Variants in DRC11 observed in about 807,000 individuals in gnomAD.
The protein encoded by DRC11 is IQ and AAA domain-containing protein 1.
chr2:236,432,556 T>C, the DRC11 span, among the ~76,000 whole-genome samples: 1 of 152,180 alleles, frequency 6.6e-6, no homozygotes, highest in Non-Finnish European at 1.5e-5. Context: ...TGAGTTTTCT[T>C]TTCTGAGCAC....
the DRC11 span, among the ~76,000 whole-genome samples, chr2:236,419,664 C>T: frequency 6.6e-6 from 1 of 152,208 alleles, no homozygotes; most frequent in African/African-American, 2.4e-5. This position sits in a 1 kb window ranked among gnomAD's most constrained non-coding sequence, Gnocchi z 4.8. Flanking sequence ...GATGCCACTG[C>T]TTCCTGCTAG....
the DRC11 span, chr2:236,338,150 C>T: frequency 5.8e-6 from 9 of 1,550,448 alleles, no homozygotes; most frequent in South Asian, 6.1e-5. Context: ...GGCAAGCACA[C>T]AGTGGACAGC....
chr2:236,493,095 C>T, the DRC11 span, among the ~76,000 whole-genome samples: 2 of 152,130 alleles, frequency 1.3e-5, no homozygotes, highest in East Asian at 1.9e-4. Flanking sequence ...GCTAGGGAGG[C>T]CTCACAATCA....
chr2:236,397,707 A>G, the DRC11 span, among the ~76,000 whole-genome samples: 1 of 152,222 alleles, frequency 6.6e-6, no homozygotes, highest in Admixed American at 6.5e-5. The surrounding 1 kb of genome is among the most constrained non-coding windows in gnomAD (Gnocchi z 5.0). Flanking sequence ...TTGCAGACAC[A>G]TACCTGATGC....
chr2:236,356,774 T>C, the DRC11 span, among the ~76,000 whole-genome samples: 4 of 151,768 alleles, frequency 2.6e-5, no homozygotes. Context: ...AGGAGACTGG[T>C]ACCTGGGGGG....
chr2:236,319,503 T>A, the DRC11 span, among the ~76,000 whole-genome samples: 1 of 152,194 alleles, frequency 6.6e-6, no homozygotes, highest in East Asian at 1.9e-4. The surrounding 1 kb of genome is among the most constrained non-coding windows in gnomAD (Gnocchi z 6.7). Flanking sequence ...AAAAACGTAC[T>A]GTGTTTGTTT....
the DRC11 span, among the ~76,000 whole-genome samples, chr2:236,479,650 G>C: frequency 2.0e-5 from 3 of 152,084 alleles, no homozygotes; most frequent in Admixed American, 2.0e-4. The surrounding 1 kb of genome is among the most constrained non-coding windows in gnomAD (Gnocchi z 4.1). Context: ...CCCACATTTT[G>C]ACTTTTTGTT....
the DRC11 span, among the ~76,000 whole-genome samples, chr2:236,355,715 T>C: frequency 0.11 from 16,729 of 149,218 alleles, 1,585 homozygotes; most frequent in African/African-American, 0.26. Context: ...ATTACACTAA[T>C]TGTACATCTC....
chr2:236,419,309 T>G, the DRC11 span: 8 of 1,514,128 alleles, frequency 5.3e-6, no homozygotes, highest in South Asian at 1.1e-4. The surrounding 1 kb of genome is among the most constrained non-coding windows in gnomAD (Gnocchi z 4.8). Context: ...TTTTCATAGA[T>G]CCCTATCAAG....
chr2:236,336,824 A>G, the DRC11 span, among the ~76,000 whole-genome samples: 7 of 152,144 alleles, frequency 4.6e-5, no homozygotes, highest in Admixed American at 2.6e-4. This position sits in a 1 kb window ranked among gnomAD's most constrained non-coding sequence, Gnocchi z 7.3. Flanking sequence ...ACCCCTGTGC[A>G]TTCACACCCG....
the DRC11 span, among the ~76,000 whole-genome samples, chr2:236,491,090 T>C: frequency 7.8e-6 from 1 of 128,678 alleles, no homozygotes; most frequent in Non-Finnish European, 1.7e-5. Context: ...GAAGAATATA[T>C]ACTCTGTGTG....
At chr2:236,369,714 C>T in the DRC11 span, among the ~76,000 whole-genome samples, 1 of 152,238 alleles carries the variant, frequency 6.6e-6, no homozygotes, top group African/African-American at 2.4e-5. This position sits in a 1 kb window ranked among gnomAD's most constrained non-coding sequence, Gnocchi z 4.5. Flanking sequence ...CCCCGGCTGC[C>T]TGCCAAGGTC....
chr2:236,365,239 T>C, the DRC11 span, among the ~76,000 whole-genome samples: 2 of 151,742 alleles, frequency 1.3e-5, no homozygotes, highest in African/African-American at 4.8e-5. The surrounding 1 kb of genome is among the most constrained non-coding windows in gnomAD (Gnocchi z 7.4). Context: ...GAACCTGAGT[T>C]GCCATAATGA....
chr2:236,419,095 G>T, the DRC11 span: 1 of 1,491,638 alleles, frequency 6.7e-7, no homozygotes, highest in East Asian at 2.5e-5. The surrounding 1 kb of genome is among the most constrained non-coding windows in gnomAD (Gnocchi z 4.8). Flanking sequence ...AAGCAAAGAA[G>T]TCAATAAAAA....
chr2:236,357,175 TTATA>T, the DRC11 span, among the ~76,000 whole-genome samples: 13 of 89,848 alleles, frequency 1.4e-4, 1 homozygote, highest in Admixed American at 2.7e-4. Context: ...TATCTATATA[TTATA>T]TATATTCATA....
the DRC11 span, among the ~76,000 whole-genome samples, chr2:236,314,282 G>T: frequency 6.6e-6 from 1 of 152,270 alleles, no homozygotes. The surrounding 1 kb of genome is among the most constrained non-coding windows in gnomAD (Gnocchi z 4.5). Context: ...GGCAGAAAGA[G>T]TATTTGCTAC....
At chr2:236,418,633 C>T in the DRC11 span, among the ~76,000 whole-genome samples, 1 of 152,338 alleles carries the variant, frequency 6.6e-6, no homozygotes, top group Admixed American at 6.5e-5. Context: ...AACCCCCCTA[C>T]ACGACGGAAG....
the DRC11 span, among the ~76,000 whole-genome samples, chr2:236,416,472 A>T: frequency 6.6e-6 from 1 of 151,814 alleles, no homozygotes; most frequent in South Asian, 2.1e-4. Flanking sequence ...ATCTACTGCC[A>T]GTGAATTGGG....
At chr2:236,376,611 T>A in the DRC11 span, among the ~76,000 whole-genome samples, 15 of 152,186 alleles carry the variant, frequency 9.9e-5, no homozygotes, top group Admixed American at 8.5e-4. This position sits in a 1 kb window ranked among gnomAD's most constrained non-coding sequence, Gnocchi z 5.7. Context: ...TGGTGTTTTT[T>A]AAAAATTTAG....
Sources: gnomAD v4.1 joint callset for allele counts (sites outside exome capture counted in the v4.1 genomes callset) on GRCh38, gnomAD v4.1.1 for gene constraint, Gnocchi (gnomAD v3.1) non-coding constraint, MANE v1.5 for transcripts, NCBI Gene and HGNC (gene_info 2026-07-23, HGNC 2026-07-21) for gene names.